ETV5: variants seen among roughly 807,000 people sequenced by gnomAD.
ETV5 encodes the protein ETS translocation variant 5.
ETV5 carries 10 observed loss-of-function variants against 70.0 expected under a neutral mutation model. The observed-to-expected ratio is 0.14, with a 90% CI of 0.09 to 0.24. ETV5 has a LOEUF of 0.24. Among genes scored for constraint, ETV5 ranks in the 10% least tolerant of loss-of-function variants. The pLI is 1.00. For missense variants in ETV5, 453 were observed against 651.2 expected (o/e 0.70, Z 3.31); for synonymous variants, 216 against 242.2 (o/e 0.89, Z 1.01).
At chr3:186,079,678 G>T (rs778499821) in intron 7 of ETV5, 139 bp downstream of exon 7, 5 of 820,572 alleles carry the variant, frequency 6.1e-6, no homozygotes, top group South Asian at 5.5e-5. Context: ...ATTATCATTA[G>T]TCTTGCCTCA....
At chr3:186,102,547 T>C (rs558523345) in intron 5 of ETV5, among the ~76,000 whole-genome samples, 204 of 149,212 alleles carry the variant, frequency 1.4e-3, no homozygotes, top group Admixed American at 2.8e-3. Context: ...GCAGGAGAAT[T>C]GCTCGAACCT....
At chr3:186,098,390 A>T (rs573801194) in intron 5 of ETV5, among the ~76,000 whole-genome samples, 8 of 152,246 alleles carry the variant, frequency 5.3e-5, no homozygotes, top group African/African-American at 1.9e-4. Flanking sequence ...TGGTAGCTAC[A>T]TCGGGAGCCA....
chr3:186,094,660 G>A (rs924382000), intron 5 of ETV5, among the ~76,000 whole-genome samples: 1 of 152,166 alleles, frequency 6.6e-6, no homozygotes, highest in Non-Finnish European at 1.5e-5. Flanking sequence ...GTCAGGAGAC[G>A]AGAAAAGAAT....
Position 186,069,894 on chromosome 3 carries a change from T to C in ETV5, c.651-3822A>G, listed in dbSNP as rs531534970. 2.4e-4 allele frequency among the ~76,000 whole-genome samples: 36 copies of C among 152,222 alleles called. No individual in the cohort carries two copies. The South Asian group carries it at 4.8e-3, about 20-fold the overall frequency. ...CAATCTCGGCTCACTGCAACCTCCA[T>C]CTCTTGGGTTCAAGCAATTCTCCTG... is the stretch of plus-strand genomic sequence containing the variant. On this transcript the variant is annotated intron_variant, in intron 7 of 12. Coordinates refer to ENST00000306376, the MANE Select transcript of ETV5 (RefSeq NM_004454.3).
At chr3:186,078,956 T>C (rs911169170) in intron 7 of ETV5, 11 of 614,080 alleles carry the variant, frequency 1.8e-5, no homozygotes, top group Non-Finnish European at 2.4e-5. Context: ...GGTATACTCA[T>C]ATATTCTTCC....
chr3:186,048,073 C>T lies in ETV5; in HGVS notation c.*566G>A. The T allele has an allele frequency of 4.3e-6, 1 of 234,026 alleles. No homozygotes were observed. The highest frequency in any genetic ancestry group is 6.1e-5 in the East Asian group (1 of 16,486). 14.5% of individuals were successfully genotyped at this position (234,026 alleles called of 1,614,324 possible). On this transcript the variant is annotated 3_prime_UTR_variant, in exon 13 of 13. Coordinates refer to ENST00000306376, the MANE Select transcript of ETV5 (RefSeq NM_004454.3). Reference sequence around the variant, plus strand: ...ATTTTGAGAACCACGGAGTGGGGAACAGCTGTTCTGACTGCCCCCCTTTTT... The same window carrying T: ...ATTTTGAGAACCACGGAGTGGGGAATAGCTGTTCTGACTGCCCCCCTTTTT...
chr3:186,063,511 A>G (rs202200226), intron 9 of ETV5, among the ~76,000 whole-genome samples: 1 of 152,214 alleles, frequency 6.6e-6, no homozygotes, highest in East Asian at 1.9e-4. Context: ...GACTTACTGA[A>G]TTAAGTTGGT....
chr3:186,057,273 T>A lies in ETV5; in HGVS notation c.1040-29A>T. 6.2e-7 allele frequency: 1 copy of A among 1,613,542 alleles called. No individual in the cohort carries two copies. The highest frequency in any genetic ancestry group is 1.1e-5 in the South Asian group (1 of 91,064). Reference sequence around the variant, plus strand: ...TTTGGGACAAGGACACATCACACAATAGCTTAGTCCTAAGTTTCTCAGGTG... The same window carrying A: ...TTTGGGACAAGGACACATCACACAAAAGCTTAGTCCTAAGTTTCTCAGGTG... On this transcript the variant is annotated intron_variant, in intron 10 of 12. Transcript: ENST00000306376. The surrounding 1 kb of genome is among the most constrained non-coding windows in gnomAD (Gnocchi z 4.9).
At chr3:186,080,255 T>A in intron 6 of ETV5, 151 bp from the exon 7 acceptor site, 1 of 559,130 alleles carries the variant, frequency 1.8e-6, no homozygotes, top group South Asian at 3.4e-5. Context: ...GAGGGGATAT[T>A]TGTACCTCTG....
chr3:186,048,599 C>T lies in ETV5; in HGVS notation c.*40G>A, dbSNP rs1189439097. On this transcript the variant is annotated 3_prime_UTR_variant, in exon 13 of 13. Coordinates refer to ENST00000306376, the MANE Select transcript of ETV5 (RefSeq NM_004454.3). The stretch of plus-strand genomic sequence containing the variant: ...CTGCCCTTGTTTGCCTGAATGGGAA[C>T]TGCTAGCTCTAGGGTTTGGCCACTC... 5 of 1,569,592 alleles carry T rather than the reference C, an allele frequency of 3.2e-6. No individual in the cohort carries two copies. In the African/African-American group the frequency reaches 6.8e-5, roughly 21 times the overall value.
rs144351897 is a variant in ETV5 at position 186,096,608 on chromosome 3, G to A, written c.232+8697C>T. On this transcript the variant is annotated intron_variant, in intron 5 of 12. Transcript: ENST00000306376. ...TTAATAGGGAAGGGAAGGCATGCTT[G>A]CAAGGCCAACTTACAGCAAGGGAAA... 2.0e-5 allele frequency among the ~76,000 whole-genome samples: 3 copies of A among 152,128 alleles called. No individual in the cohort carries two copies. The East Asian group carries it at 5.8e-4, about 29-fold the overall frequency.
intron 11 of ETV5, among the ~76,000 whole-genome samples, chr3:186,053,081 A>C (rs1003974802): frequency 7.2e-5 from 11 of 152,024 alleles, no homozygotes; most frequent in Admixed American, 5.9e-4. Flanking sequence ...AAAAAAAAAA[A>C]CAAACTATAT....
chr3:186,048,962 A>G, intron 12 of ETV5, 102 bp from the exon 13 acceptor site: 1 of 915,604 alleles, frequency 1.1e-6, no homozygotes, highest in Admixed American at 2.1e-5. Flanking sequence ...GGACCAAAGG[A>G]GCAGCCGATT....
chr3:186,083,749 C>T (rs1334859079), intron 5 of ETV5, among the ~76,000 whole-genome samples: 1 of 152,116 alleles, frequency 6.6e-6, no homozygotes, highest in Non-Finnish European at 1.5e-5. Flanking sequence ...TTGTTCTTAA[C>T]CGTGAAGGCA....
chr3:186,085,125 G>A (rs1288272985), intron 5 of ETV5, among the ~76,000 whole-genome samples: 2 of 77,444 alleles, frequency 2.6e-5, no homozygotes, highest in African/African-American at 9.1e-5. Context: ...CACTTGCCAC[G>A]TAAAGGCTCA....
Position 186,057,259 on chromosome 3 carries a change from G to A in ETV5, c.1040-15C>T, listed in dbSNP as rs766842966. The A allele has an allele frequency of 6.2e-7, 1 of 1,614,054 alleles. No individual in the cohort carries two copies. Among genetic ancestry groups the A allele is most frequent in the East Asian group, 2.2e-5 (1 of 44,880 alleles). On this transcript the variant is annotated splice_polypyrimidine_tract_variant and intron_variant, in intron 10 of 12. Coordinates refer to ENST00000306376, the MANE Select transcript of ETV5 (RefSeq NM_004454.3). The surrounding 1 kb of genome is among the most constrained non-coding windows in gnomAD (Gnocchi z 4.9). Reference sequence around the variant, plus strand: ...TTTGACTTTGCCTGTTTGGGACAAGGACACATCACACAATAGCTTAGTCCT... The same window carrying A: ...TTTGACTTTGCCTGTTTGGGACAAGAACACATCACACAATAGCTTAGTCCT...
At chr3:186,080,196 T>C in intron 6 of ETV5, 92 bp from the exon 7 acceptor site, 1 of 1,083,942 alleles carries the variant, frequency 9.2e-7, no homozygotes, top group Non-Finnish European at 1.3e-6. Context: ...TGCAGCCCAT[T>C]GTTGCCAGGA....
rs140662223 is a variant in ETV5 at position 186,086,031 on chromosome 3, T to C, written c.233-4856A>G. ...CCAGAAGCCCTGCCCTGCCCTGCAA[T>C]TGCTTCTGGACAATTGTCTTACTAC... On this transcript the variant is annotated intron_variant, in intron 5 of 12. Transcript: ENST00000306376. 2.4e-4 allele frequency among the ~76,000 whole-genome samples: 36 copies of C among 152,246 alleles called. No individual in the cohort carries two copies. In the East Asian group the frequency reaches 6.8e-3, roughly 29 times the overall value.
chr3:186,048,974 C>T (rs959705029), intron 12 of ETV5, 114 bp from the exon 13 acceptor site: 9 of 797,768 alleles, frequency 1.1e-5, no homozygotes, highest in South Asian at 1.7e-5. Flanking sequence ...CAGCCGATTA[C>T]CCCAATCACT....
Sources: allele counts gnomAD v4.1 joint callset (sites outside exome capture counted in the v4.1 genomes callset), GRCh38; gene constraint gnomAD v4.1.1; non-coding constraint Gnocchi (gnomAD v3.1); transcripts MANE v1.5; gene names NCBI Gene and HGNC (gene_info 2026-07-23, HGNC 2026-07-21).